KLF12: variants seen among roughly 807,000 people sequenced by gnomAD.
KLF12 encodes the protein KLF transcription factor 12, also known as Krueppel-like factor 12.
In KLF12, 9 loss-of-function variants were observed where a neutral mutation model predicts 37.8. The ratio of observed to expected loss-of-function variants is 0.24; its 90% confidence interval spans 0.14 to 0.42. KLF12 has a LOEUF of 0.42. Among genes scored for constraint, KLF12 ranks in the 10% least tolerant of loss-of-function variants. The probability of loss-of-function intolerance (pLI) is 1.00; values close to 1 mark genes in which losing one functional copy is unlikely to be tolerated. For missense variants in KLF12, 411 were observed against 516.0 expected (o/e 0.80, Z 1.97); for synonymous variants, 208 against 202.1 (o/e 1.03, Z -0.25).
intron 1 of KLF12, among the ~76,000 whole-genome samples, chr13:74,060,818 T>C (rs755284004): frequency 1.3e-5 from 2 of 152,170 alleles, no homozygotes; most frequent in Non-Finnish European, 2.9e-5. Flanking sequence ...ATAGGAGTGG[T>C]CGTTTTCTAT....
chr13:73,808,420 C>T (rs1057172788), intron 5 of KLF12, among the ~76,000 whole-genome samples: 3 of 151,980 alleles, frequency 2.0e-5, no homozygotes, highest in South Asian at 2.1e-4. Context: ...ATGGTTGAAA[C>T]GATCAGTTCA....
At chr13:73,874,026 T>C (rs374875619) in intron 3 of KLF12, among the ~76,000 whole-genome samples, 1 of 152,156 alleles carries the variant, frequency 6.6e-6, no homozygotes, top group South Asian at 2.1e-4. Context: ...AAGGCTATAA[T>C]GGCAATGGAA....
rs575500622 is a variant in KLF12 at position 73,788,381 on chromosome 13, T to A, written c.807-23381A>T. 5.9e-5 allele frequency among the ~76,000 whole-genome samples: 9 copies of A among 152,296 alleles called. No individual in the cohort carries two copies. In the East Asian group the frequency reaches 1.7e-3, roughly 29 times the overall value. ...TATAAGGATCTTTTTGTTCCTTTCT[T>A]GATAATATTTTTGTCATTCAGAAAA... is the stretch of plus-strand genomic sequence containing the variant. On this transcript the variant is annotated intron_variant, in intron 5 of 7. Transcript: ENST00000377669.
chr13:73,975,956 T>C (rs1321633499), intron 2 of KLF12, among the ~76,000 whole-genome samples: 1 of 152,186 alleles, frequency 6.6e-6, no homozygotes, highest in Non-Finnish European at 1.5e-5. Flanking sequence ...CAATCAAAGC[T>C]TTCCCACACT....
intron 5 of KLF12, among the ~76,000 whole-genome samples, chr13:73,785,329 G>A (rs1881273425): frequency 6.6e-6 from 1 of 151,862 alleles, no homozygotes; most frequent in Non-Finnish European, 1.5e-5. Context: ...ATCCAGGCTG[G>A]TCTTGAACTT....
At chr13:74,141,436 CAAGG>C in the KLF12 span, among the ~76,000 whole-genome samples, 6 of 151,994 alleles carry the variant, frequency 3.9e-5, no homozygotes, top group Admixed American at 1.3e-4. Context: ...TAAGAGGAAA[CAAGG>C]GAGGGAGGGA....
At chr13:73,957,768 T>C (rs1890889180) in intron 2 of KLF12, among the ~76,000 whole-genome samples, 1 of 152,200 alleles carries the variant, frequency 6.6e-6, no homozygotes, top group Non-Finnish European at 1.5e-5. Context: ...ATCCTTGTGG[T>C]TGTTCCATCT....
intron 5 of KLF12, among the ~76,000 whole-genome samples, chr13:73,776,066 A>C (rs1880588596): frequency 6.6e-6 from 1 of 152,208 alleles, no homozygotes; most frequent in South Asian, 2.1e-4. Context: ...CTTCCAATAA[A>C]ATTTCAAATG....
intron 3 of KLF12, among the ~76,000 whole-genome samples, chr13:73,901,150 C>G (rs1888023628): frequency 1.3e-5 from 2 of 152,204 alleles, no homozygotes; most frequent in Non-Finnish European, 2.9e-5. Flanking sequence ...ACTTCATCCA[C>G]ATTCAGCAAA....
chr13:74,185,404 C>T, the KLF12 span, among the ~76,000 whole-genome samples: 1 of 152,158 alleles, frequency 6.6e-6, no homozygotes, highest in Non-Finnish European at 1.5e-5. Context: ...TCATCAACAA[C>T]TATTTCAGTC....
At chr13:74,204,467 G>A in the KLF12 span, among the ~76,000 whole-genome samples, 1 of 152,046 alleles carries the variant, frequency 6.6e-6, no homozygotes. Context: ...AAAAATACCT[G>A]TAAGAAATCC....
intron 3 of KLF12, among the ~76,000 whole-genome samples, chr13:73,930,921 T>C (rs947832046): frequency 7.4e-6 from 1 of 134,882 alleles, no homozygotes; most frequent in Admixed American, 8.8e-5. Context: ...TGGAGTGCAA[T>C]GGCGCGATCT....
chr13:74,121,379 C>A (rs558050139), intron 1 of KLF12, among the ~76,000 whole-genome samples: 1 of 151,858 alleles, frequency 6.6e-6, no homozygotes, highest in Non-Finnish European at 1.5e-5. Flanking sequence ...ACTCATTATA[C>A]GACGTTATGA....
chr13:73,837,216 C>T (rs1884480703), intron 4 of KLF12, among the ~76,000 whole-genome samples: 1 of 152,136 alleles, frequency 6.6e-6, no homozygotes, highest in Non-Finnish European at 1.5e-5. Context: ...GGGCATTTTA[C>T]AGTCTATGAG....
At chr13:74,208,457 G>A in the KLF12 span, among the ~76,000 whole-genome samples, 2 of 152,168 alleles carry the variant, frequency 1.3e-5, no homozygotes, top group Admixed American at 1.3e-4. Context: ...AAAAACAGAT[G>A]CATATTTTGT....
the KLF12 span, among the ~76,000 whole-genome samples, chr13:74,226,886 T>C: frequency 3.6e-3 from 543 of 152,238 alleles, 3 homozygotes; most frequent in African/African-American, 0.013. Flanking sequence ...TGAGAAACCA[T>C]AGTAGTCATT....
intron 5 of KLF12, among the ~76,000 whole-genome samples, chr13:73,774,436 C>A (rs563419167): frequency 2.6e-5 from 4 of 152,092 alleles, no homozygotes; most frequent in Admixed American, 2.6e-4. Flanking sequence ...GGACCTGCAT[C>A]GGCCCACACC....
intron 7 of KLF12, among the ~76,000 whole-genome samples, chr13:73,712,338 CA>C (rs752694466): frequency 0.023 from 977 of 42,036 alleles, 5 homozygotes; most frequent in African/African-American, 0.063. Context: ...AACTCCATGT[CA>C]AAAAAAAAAA....
the KLF12 span, among the ~76,000 whole-genome samples, chr13:74,275,617 A>C: frequency 6.6e-6 from 1 of 151,990 alleles, no homozygotes; most frequent in African/African-American, 2.4e-5. Flanking sequence ...ATATATTTAA[A>C]ATGTAGTTGG....
Sources: allele counts gnomAD v4.1 joint callset (sites outside exome capture counted in the v4.1 genomes callset), GRCh38; gene constraint gnomAD v4.1.1; transcripts MANE v1.5; gene names NCBI Gene and HGNC (gene_info 2026-07-23, HGNC 2026-07-21).